ARHGAP44: variants seen among roughly 807,000 people sequenced by gnomAD.
The protein encoded by ARHGAP44 is rho GTPase-activating protein 44.
ARHGAP44 carries 43 observed loss-of-function variants against 106.8 expected under a neutral mutation model. The observed-to-expected ratio is 0.40, with a 90% CI of 0.32 to 0.52. The LOEUF (loss-of-function observed/expected upper bound fraction) is 0.52, where lower values mean the gene tolerates loss of function less well. Among genes scored for constraint, ARHGAP44 ranks in the 20% least tolerant of loss-of-function variants. The pLI is 0.48. For missense variants in ARHGAP44, 866 were observed against 1,050.5 expected (o/e 0.82, Z 2.43); for synonymous variants, 439 against 410.3 (o/e 1.07, Z -0.85).
chr17:12,894,679 A>C (rs1306940782), intron 1 of ARHGAP44, among the ~76,000 whole-genome samples: 3 of 151,682 alleles, frequency 2.0e-5, no homozygotes, highest in Non-Finnish European at 1.5e-5. Flanking sequence ...ATCTGGAAAC[A>C]AAGGCATACA....
At chr17:12,939,768 T>C (rs543109549) in intron 7 of ARHGAP44, among the ~76,000 whole-genome samples, 4 of 152,326 alleles carry the variant, frequency 2.6e-5, no homozygotes, top group Non-Finnish European at 5.9e-5. Context: ...GCCCGGCCAA[T>C]GAATCTTAAC....
chr17:12,934,548 G>A (rs1298336339), intron 7 of ARHGAP44, among the ~76,000 whole-genome samples: 1 of 152,196 alleles, frequency 6.6e-6, no homozygotes, highest in Non-Finnish European at 1.5e-5. Context: ...AAAGTATCTA[G>A]CCCAGCAAAC....
At chr17:12,973,092 T>A (rs968463020) in intron 16 of ARHGAP44, 31 of 542,768 alleles carry the variant, frequency 5.7e-5, no homozygotes. Context: ...TCTTTACCTG[T>A]GTGCATGGTA....
intron 6 of ARHGAP44, among the ~76,000 whole-genome samples, chr17:12,923,649 T>TA (rs1279790813): frequency 6.6e-6 from 1 of 152,178 alleles, no homozygotes; most frequent in African/African-American, 2.4e-5. Flanking sequence ...AAGTATGAGT[T>TA]ATAGGCTACA....
At chr17:12,842,882 A>C (rs2035456604) in intron 1 of ARHGAP44, among the ~76,000 whole-genome samples, 1 of 152,164 alleles carries the variant, frequency 6.6e-6, no homozygotes, top group Non-Finnish European at 1.5e-5. Context: ...ACTCTGGGTA[A>C]CACACATCAT....
Position 12,956,777 on chromosome 17 carries a change from G to C in ARHGAP44, c.1342+31G>C, listed in dbSNP as rs754602859. The C allele has an allele frequency of 3.1e-6, 5 of 1,594,940 alleles. No individual in the cohort carries two copies. The Admixed American group carries it at 6.7e-5, about 21-fold the overall frequency. ...TGACAGCACCTAGGTGTGGGGGCAA[G>C]AGGCAGGGAACAGGAGTATCACTGC... On this transcript the variant is annotated intron_variant, in intron 15 of 20. Transcript: ENST00000379672.
At chr17:12,835,858 C>T (rs371073064) in intron 1 of ARHGAP44, among the ~76,000 whole-genome samples, 66 of 152,288 alleles carry the variant, frequency 4.3e-4, no homozygotes, top group African/African-American at 1.6e-3. Flanking sequence ...GTGAATTTGA[C>T]TACTTTAGTT....
chr17:12,918,673 C>T (rs1191079739), intron 5 of ARHGAP44, among the ~76,000 whole-genome samples: 1 of 152,044 alleles, frequency 6.6e-6, no homozygotes, highest in Non-Finnish European at 1.5e-5. Flanking sequence ...GAATCTGTAT[C>T]CTAGATGCAG....
At position 12,868,974 on chromosome 17, in the gene ARHGAP44, T is replaced by C. The variant is rs74725544; in HGVS notation, c.54-25966T>C. On this transcript the variant is annotated intron_variant, in intron 1 of 20. Transcript: ENST00000379672. ...CCAACATATATATATATTAAAAATA[T>C]GTTATATATTACCATAAAAGAGCAT... 2.7e-3 allele frequency among the ~76,000 whole-genome samples: 409 copies of C among 152,116 alleles called. 9 individuals are homozygous for C. In the South Asian group the frequency reaches 0.043, roughly 16 times the overall value.
chr17:12,973,103 G>C lies in ARHGAP44; in HGVS notation c.1524-199G>C, dbSNP rs1420120812. 7 of 576,676 alleles carry C rather than the reference G, an allele frequency of 1.2e-5. No individual in the cohort carries two copies. The Admixed American group carries it at 2.2e-4, about 18-fold the overall frequency. The allele number at this position is 576,676 out of a possible 1,614,324, so 35.7% of individuals were successfully genotyped here. On this transcript the variant is annotated intron_variant, in intron 16 of 20. Coordinates refer to ENST00000379672, the MANE Select transcript of ARHGAP44 (RefSeq NM_014859.6). ...GCTCTCTTTACCTGTGTGCATGGTAGGGTATGACTTACACTTACACAAATA... is the reference window on the plus strand; with the variant it reads ...GCTCTCTTTACCTGTGTGCATGGTACGGTATGACTTACACTTACACAAATA...
intron 1 of ARHGAP44, among the ~76,000 whole-genome samples, chr17:12,876,464 T>C (rs2036558670): frequency 6.6e-6 from 1 of 152,118 alleles, no homozygotes. Context: ...AAACAAATCC[T>C]GCGTACACAT....
At chr17:12,984,438 G>A in intron 19 of ARHGAP44, 93 bp from the exon 20 acceptor site, 1 of 1,409,976 alleles carries the variant, frequency 7.1e-7, no homozygotes, top group Non-Finnish European at 9.3e-7. Context: ...GGTGGGGACA[G>A]CTTTGAACGC....
At chr17:12,919,354 G>A (rs1157488909) in intron 5 of ARHGAP44, among the ~76,000 whole-genome samples, 2 of 151,832 alleles carry the variant, frequency 1.3e-5, no homozygotes, top group Non-Finnish European at 2.9e-5. Context: ...AACTTGTTGG[G>A]TGACTTCCAA....
At chr17:12,916,707 C>T (rs1234128934) in intron 5 of ARHGAP44, among the ~76,000 whole-genome samples, 1 of 152,090 alleles carries the variant, frequency 6.6e-6, no homozygotes, top group Non-Finnish European at 1.5e-5. Context: ...TATATGGGTC[C>T]CTTGTCTTTG....
chr17:12,869,714 A>G (rs1291286029), intron 1 of ARHGAP44, among the ~76,000 whole-genome samples: 2 of 152,322 alleles, frequency 1.3e-5, no homozygotes, highest in African/African-American at 4.8e-5. Flanking sequence ...TAAAAAATTT[A>G]AAACAATAAG....
At chr17:12,922,622 T>G (rs564395338) in intron 6 of ARHGAP44, among the ~76,000 whole-genome samples, 6 of 152,310 alleles carry the variant, frequency 3.9e-5, no homozygotes, top group African/African-American at 1.2e-4. Context: ...AATGCTAGTA[T>G]CAAACCATGT....
At chr17:12,914,477 G>A (rs762691414) in intron 4 of ARHGAP44, among the ~76,000 whole-genome samples, 3 of 152,150 alleles carry the variant, frequency 2.0e-5, no homozygotes, top group Non-Finnish European at 2.9e-5. Flanking sequence ...ATCTGATTCC[G>A]CATGTACCAA....
At chr17:12,964,141 T>C (rs988939605) in intron 16 of ARHGAP44, among the ~76,000 whole-genome samples, 4 of 152,246 alleles carry the variant, frequency 2.6e-5, no homozygotes, top group African/African-American at 7.2e-5. Context: ...GATTATGTTT[T>C]TAGTGTCTTT....
intron 6 of ARHGAP44, among the ~76,000 whole-genome samples, chr17:12,926,706 A>T (rs1024570338): frequency 6.6e-6 from 1 of 151,678 alleles, no homozygotes; most frequent in Non-Finnish European, 1.5e-5. Context: ...TCATTTTAAT[A>T]TACCTATATT....
Sources: allele counts gnomAD v4.1 joint callset (sites outside exome capture counted in the v4.1 genomes callset), GRCh38; gene constraint gnomAD v4.1.1; transcripts MANE v1.5; gene names NCBI Gene and HGNC (gene_info 2026-07-23, HGNC 2026-07-21).